SPECC1: variants seen among roughly 807,000 people sequenced by gnomAD.
SPECC1 encodes the protein sperm antigen with calponin homology and coiled-coil domains 1, also known as cytospin-B.
In SPECC1, 62 loss-of-function variants were observed where a neutral mutation model predicts 104.1. The ratio of observed to expected loss-of-function variants is 0.60; its 90% CI spans 0.49 to 0.74. The LOEUF (loss-of-function observed/expected upper bound fraction) is 0.74, where lower values mean the gene tolerates loss of function less well. Among genes scored for constraint, SPECC1 ranks in the 30% least tolerant of loss-of-function variants. The pLI is 0.00. For synonymous variants in SPECC1, 513 were observed against 501.6 expected (o/e 1.02, Z -0.30); for missense variants, 1,306 against 1,310.5 (o/e 1.00, Z 0.05).
chr17:20,247,251 A>AC lies in SPECC1; in HGVS notation c.2535dup (p.Arg846GlnfsTer44), dbSNP rs1386776935. ...TGGACAGAATATTTCTGTCCATAAG[A>AC]CCCCCAGAAGTCCCCTAAGTGGGAT... On this transcript the variant is annotated frameshift_variant, in exon 9 of 15. Transcript: ENST00000395527. LOFTEE classifies it high-confidence loss of function. 1 of 1,613,532 alleles carries AC rather than the reference A, an allele frequency of 6.2e-7. No individual in the cohort carries two copies.
intron 9 of SPECC1, among the ~76,000 whole-genome samples, chr17:20,252,981 A>G (rs866530095): frequency 6.6e-6 from 1 of 151,496 alleles, no homozygotes; most frequent in East Asian, 1.9e-4. Context: ...GTACATTCCC[A>G]CTAACAGTAC....
chr17:20,029,167 A>G (rs1188609285), intron 1 of SPECC1, among the ~76,000 whole-genome samples: 1 of 151,080 alleles, frequency 6.6e-6, no homozygotes, highest in Non-Finnish European at 1.5e-5. Flanking sequence ...TTTTTCATTT[A>G]TGTAAACCTT....
rs2042054060 is a variant in SPECC1 at position 20,317,294 on chromosome 17, A to G, written c.*3229A>G. On this transcript the variant is annotated 3_prime_UTR_variant, in exon 15 of 15. Coordinates refer to ENST00000395527, the MANE Select transcript of SPECC1 (RefSeq NM_001243439.2). The stretch of plus-strand genomic sequence containing the variant: ...TTTTTTTTTTTTGAGAGAGCGTCTC[A>G]CTTCTCTGTCACCCAGGCTAGAGTA... 1.7e-5 allele frequency: 1 copy of G among 59,912 alleles called. No homozygotes were observed. Among genetic ancestry groups the G allele is most frequent in the East Asian group, 1.1e-3 (1 of 952 alleles). The allele number at this position is 59,912 out of a possible 1,614,324, so 3.7% of individuals were successfully genotyped here.
chr17:20,318,387 GT>G lies in SPECC1; in HGVS notation c.*4327del. The G allele has an allele frequency of 4.3e-6, 1 of 231,562 alleles. No individual in the cohort carries two copies. The highest frequency in any genetic ancestry group is 8.5e-6 in the Non-Finnish European group (1 of 116,960). 14.3% of individuals were successfully genotyped at this position (231,562 alleles called of 1,614,324 possible). Reference sequence around the variant, plus strand: ...GTCTTTTATTTTCCTTTTTCATTCAGTTTTTGTTTTACAGCTTTTGTAGAGA... The same window carrying G: ...GTCTTTTATTTTCCTTTTTCATTCAGTTTTGTTTTACAGCTTTTGTAGAGA... On this transcript the variant is annotated 3_prime_UTR_variant, in exon 15 of 15. Coordinates refer to ENST00000395527, the MANE Select transcript of SPECC1 (RefSeq NM_001243439.2).
intron 3 of SPECC1, among the ~76,000 whole-genome samples, chr17:20,181,018 A>G (rs2034845849): frequency 6.6e-6 from 1 of 152,138 alleles, no homozygotes; most frequent in Non-Finnish European, 1.5e-5. Flanking sequence ...AGAGATGATT[A>G]TAACAACAAC....
At chr17:20,160,397 T>G (rs973470656) in intron 3 of SPECC1, among the ~76,000 whole-genome samples, 4 of 152,086 alleles carry the variant, frequency 2.6e-5, no homozygotes, top group African/African-American at 9.7e-5. Context: ...CTAGAAGTGG[T>G]GCACATTATT....
rs1275334513 is a variant in SPECC1, at chr17:20,315,476, A to G, written c.*1411A>G. On this transcript the variant is annotated 3_prime_UTR_variant, in exon 15 of 15. Transcript: ENST00000395527. Reference sequence around the variant, plus strand: ...CACAGCGAGTGAGGGCGTGGCTCACACAGTTGTTTGAGGGAAATGGGTAAT... The same window carrying G: ...CACAGCGAGTGAGGGCGTGGCTCACGCAGTTGTTTGAGGGAAATGGGTAAT... The G allele has an allele frequency of 4.3e-6, 1 of 232,788 alleles. No individual in the cohort carries two copies. The highest frequency in any genetic ancestry group is 2.2e-5 in the African/African-American group (1 of 45,296). 14.4% of individuals were successfully genotyped at this position (232,788 alleles called of 1,614,324 possible). A position where few individuals can be genotyped will look rare whatever the true frequency, so the allele number is the denominator to read the frequency against.
rs143553678 is a variant in SPECC1 at position 20,118,115 on chromosome 17, T to TAATAAATA, written c.283+7568_283+7575dup. 8.0e-3 allele frequency among the ~76,000 whole-genome samples: 1,210 copies of TAATAAATA among 150,868 alleles called. 17 individuals carry two copies. The highest frequency in any genetic ancestry group is 0.026 in the African/African-American group (1,055 of 40,794). ...GAGACCCTGTCTCACAATAAATAAA[T>TAATAAATA]AATAAATAAATAAATAAATAAAGCA... On this transcript the variant is annotated intron_variant, in intron 3 of 14. Transcript: ENST00000395527.
intron 13 of SPECC1, among the ~76,000 whole-genome samples, chr17:20,301,650 G>C (rs924548798): frequency 2.0e-5 from 3 of 152,100 alleles, no homozygotes; most frequent in African/African-American, 7.2e-5. Flanking sequence ...TGATAGTAAA[G>C]AGATATATGA....
chr17:20,105,159 G>A (rs571347632), intron 2 of SPECC1, among the ~76,000 whole-genome samples: 1 of 152,114 alleles, frequency 6.6e-6, no homozygotes, highest in East Asian at 1.9e-4. Flanking sequence ...GTGCAGTGGT[G>A]CAATCATGGC....
At chr17:20,210,168 A>T (rs1301863020) in intron 4 of SPECC1, among the ~76,000 whole-genome samples, 1 of 152,216 alleles carries the variant, frequency 6.6e-6, no homozygotes, top group Non-Finnish European at 1.5e-5. Context: ...TGTAGCTGTG[A>T]CATTGGAATA....
At chr17:20,072,648 G>C (rs2046601206) in intron 1 of SPECC1, among the ~76,000 whole-genome samples, 1 of 152,240 alleles carries the variant, frequency 6.6e-6, no homozygotes, top group Admixed American at 6.5e-5. Flanking sequence ...GACAGAGTCT[G>C]AGTATGGAGG....
intron 1 of SPECC1, among the ~76,000 whole-genome samples, chr17:20,090,048 G>A (rs769812296): frequency 2.0e-5 from 3 of 152,346 alleles, no homozygotes; most frequent in East Asian, 1.9e-4. Context: ...AGAGGCATAC[G>A]TATGAGACCG....
chr17:20,227,758 A>T, intron 5 of SPECC1, 138 bp downstream of exon 5: 1 of 751,828 alleles, frequency 1.3e-6, no homozygotes, highest in Non-Finnish European at 2.1e-6. Flanking sequence ...TCTACTAAAA[A>T]TACAAAATTA....
chr17:20,054,460 A>G (rs1435000959), intron 1 of SPECC1, among the ~76,000 whole-genome samples: 1 of 151,876 alleles, frequency 6.6e-6, no homozygotes, highest in Non-Finnish European at 1.5e-5. Flanking sequence ...CGCTTTCTCT[A>G]TTTTCTGAAA....
chr17:20,205,514 C>G lies in SPECC1; in HGVS notation c.1465C>G (p.Gln489Glu). The G allele has an allele frequency of 6.2e-7, 1 of 1,614,154 alleles. No homozygotes were observed. The highest frequency in any genetic ancestry group is 1.1e-5 in the South Asian group (1 of 91,076). Residue 489 changes from glutamine (Q) to glutamate (E), a missense_variant, in exon 4 of 15, where the codon CAG becomes GAG. By Grantham distance (29) the Gln-to-Glu change is conservative. This residue lies in a region of SPECC1 where 1,177 missense variants were observed against 1,139.9 expected (regional missense o/e 1.03). Coordinates refer to ENST00000395527, the MANE Select transcript of SPECC1 (RefSeq NM_001243439.2). ...AAGAGAGAAGCTACTCAACATTCAG[C>G]AGCAGTTGACCTGTAGCTTGCGGAA... Reference protein sequence around the residue: ...FEREKLLNIQQQLTCSLRKVE... With the variant: ...FEREKLLNIQEQLTCSLRKVE...
intron 9 of SPECC1, 116 bp from the exon 10 acceptor site, chr17:20,253,389 T>G: frequency 1.1e-6 from 1 of 926,264 alleles, no homozygotes; most frequent in Non-Finnish European, 1.6e-6. Flanking sequence ...CTCCCCTGGT[T>G]ATTCCACTGT....
rs753159799 is a variant in SPECC1, at chr17:20,156,283, C to A, written c.283+45721C>A. On this transcript the variant is annotated intron_variant, in intron 3 of 14. Transcript: ENST00000395527. ...CGCGCCGCAGCCGCAACCCCACCCC[C>A]CCTCCAGGCGCCCTTCCCCCACCGC... 62 of 1,326,986 alleles carry A rather than the reference C, an allele frequency of 4.7e-5. 2 individuals are homozygous for A. In the South Asian group the frequency reaches 8.6e-4, roughly 18 times the overall value. 82.2% of individuals were successfully genotyped at this position (1,326,986 alleles called of 1,614,324 possible). A position where few individuals can be genotyped will look rare whatever the true frequency, so the allele number is the denominator to read the frequency against.
At chr17:20,096,048 T>G (rs1426243457) in intron 1 of SPECC1, 1 of 152,164 alleles carries the variant, frequency 6.6e-6, no homozygotes, top group Non-Finnish European at 1.5e-5. Context: ...GTTTGAACAA[T>G]TTTCCTTTCA....
Sources: gnomAD v4.1 joint callset for allele counts (sites outside exome capture counted in the v4.1 genomes callset) on GRCh38, gnomAD v4.1.1 for gene constraint, gnomAD v4.1.1 regional missense constraint, MANE v1.5 for transcripts, NCBI Gene and HGNC (gene_info 2026-07-23, HGNC 2026-07-21) for gene names.